The following ANK2 variants were observed in gnomAD, a reference collection of about 807,000 sequenced individuals.
The protein encoded by ANK2 is ankyrin 2.
ANK2 carries 83 observed loss-of-function variants against 360.5 expected under a neutral mutation model. That is an observed-to-expected ratio of 0.23 (90% CI 0.19 to 0.28). The LOEUF (loss-of-function observed/expected upper bound fraction) is 0.28, where lower values mean the gene tolerates loss of function less well. Ranked by LOEUF, ANK2 falls within the 10% of genes least tolerant of loss-of-function variation. The pLI is 1.00. For missense variants in ANK2, 4,201 were observed against 4,795.7 expected (o/e 0.88, Z 3.66); for synonymous variants, 1,740 against 1,759.5 (o/e 0.99, Z 0.28).
chr4:112,875,567 C>T (rs1448856320), intron 1 of ANK2, among the ~76,000 whole-genome samples: 1 of 151,980 alleles, frequency 6.6e-6, no homozygotes, highest in Non-Finnish European at 1.5e-5. Context: ...AACTCCTACC[C>T]TCAAGTGATC....
At chr4:112,865,733 T>C (rs1226466850) in intron 1 of ANK2, among the ~76,000 whole-genome samples, 1 of 152,236 alleles carries the variant, frequency 6.6e-6, no homozygotes, top group Non-Finnish European at 1.5e-5. Context: ...AATATTCTTA[T>C]ATACCTGAGA....
intron 1 of ANK2, among the ~76,000 whole-genome samples, chr4:112,898,584 A>G (rs955416999): frequency 6.6e-6 from 1 of 152,208 alleles, no homozygotes; most frequent in African/African-American, 2.4e-5. Flanking sequence ...CAGTGTTTAT[A>G]TGATTTCTCC....
At chr4:113,378,313 A>G (rs2097032741) in intron 45 of ANK2, 1 of 340,628 alleles carries the variant, frequency 2.9e-6, no homozygotes, top group South Asian at 2.5e-5. Context: ...CTGTATTATA[A>G]TACTTTGGTC....
upstream of ANK2, among the ~76,000 whole-genome samples, chr4:113,045,471 C>A (rs1003984579): frequency 2.1e-4 from 32 of 152,184 alleles, no homozygotes; most frequent in African/African-American, 7.7e-4. Flanking sequence ...ATCTTATTAA[C>A]TTTCTTACTT....
chr4:113,257,386 C>T (rs942853158), intron 11 of ANK2, among the ~76,000 whole-genome samples: 3 of 152,102 alleles, frequency 2.0e-5, no homozygotes, highest in Non-Finnish European at 4.4e-5. Flanking sequence ...TGCATTTATC[C>T]CAGAAATTCT....
chr4:113,196,261 A>G (rs2098746038), intron 2 of ANK2, 107 bp from the exon 3 acceptor site: 1 of 803,604 alleles, frequency 1.2e-6, no homozygotes, highest in Non-Finnish European at 2.1e-6. Flanking sequence ...GAAAAAAAAG[A>G]AGAGATCAGA....
chr4:112,720,007 G>A, the ANK2 span, among the ~76,000 whole-genome samples: 4 of 152,056 alleles, frequency 2.6e-5, no homozygotes, highest in Non-Finnish European at 4.4e-5. Context: ...GTCAACAGCC[G>A]GATCCTAAAG....
chr4:113,085,426 GCCTCATTCT>G (rs1460479239), intron 1 of ANK2, among the ~76,000 whole-genome samples: 1 of 151,824 alleles, frequency 6.6e-6, no homozygotes, highest in Non-Finnish European at 1.5e-5. Context: ...CAATTCTCCT[GCCTCATTCT>G]CCTGGGACTA....
intron 1 of ANK2, 88 bp downstream of exon 1, chr4:113,049,900 C>T (rs1414370134): frequency 4.3e-5 from 64 of 1,485,088 alleles, no homozygotes; most frequent in Non-Finnish European, 5.5e-5. Context: ...CTATGGAAAC[C>T]GTGGAGCATT....
At chr4:112,980,111 C>T (rs1454488381) in intron 2 of ANK2, 1 of 152,278 alleles carries the variant, frequency 6.6e-6, no homozygotes, top group Non-Finnish European at 1.5e-5. Context: ...CTCCCCTGGC[C>T]CCTCTTCCAC....
At chr4:112,786,499 T>A in the ANK2 span, among the ~76,000 whole-genome samples, 2 of 150,156 alleles carry the variant, frequency 1.3e-5, no homozygotes, top group African/African-American at 4.9e-5. Flanking sequence ...CCGGTTTAAG[T>A]GATTCTCCTG....
intron 7 of ANK2, among the ~76,000 whole-genome samples, chr4:113,238,381 G>C (rs2099400258): frequency 6.6e-6 from 1 of 152,124 alleles, no homozygotes; most frequent in African/African-American, 2.4e-5. Flanking sequence ...GTTTTGCTGA[G>C]GGGATTCTTT....
the ANK2 span, among the ~76,000 whole-genome samples, chr4:112,771,441 G>T: frequency 1.1e-4 from 17 of 152,056 alleles, no homozygotes; most frequent in African/African-American, 4.1e-4. Context: ...ATAAGTTTTT[G>T]TGACAGGAAG....
chr4:112,816,803 C>T (rs566782117), upstream of ANK2, among the ~76,000 whole-genome samples: 161 of 152,274 alleles, frequency 1.1e-3, no homozygotes, highest in Non-Finnish European at 1.6e-3. Flanking sequence ...CTGAAGTCAG[C>T]AGTTCGAGAC....
chr4:113,040,136 A>G (rs745598156), intron 2 of ANK2, among the ~76,000 whole-genome samples: 1 of 152,042 alleles, frequency 6.6e-6, no homozygotes, highest in Admixed American at 6.6e-5. Context: ...ATATCACTAG[A>G]GACTGAATGT....
chr4:113,212,722 A>G (rs1247323482), intron 4 of ANK2, among the ~76,000 whole-genome samples: 1 of 152,186 alleles, frequency 6.6e-6, no homozygotes, highest in South Asian at 2.1e-4. Context: ...CCTTCAGCAA[A>G]CAGTTGTTGT....
intron 2 of ANK2, among the ~76,000 whole-genome samples, chr4:113,039,945 T>A (rs889543175): frequency 6.6e-6 from 1 of 152,148 alleles, no homozygotes. Flanking sequence ...GTTTTTCTTT[T>A]GTTAAAAGAA....
the ANK2 span, among the ~76,000 whole-genome samples, chr4:112,802,380 T>G: frequency 6.6e-6 from 1 of 152,228 alleles, no homozygotes; most frequent in African/African-American, 2.4e-5. Flanking sequence ...AGCTTGCTGC[T>G]TCTTGGGAGC....
rs115125234 is a variant in ANK2, at chr4:113,291,233, C to T, written c.2278-1183C>T. Among the ~76,000 whole-genome samples the T allele has an allele frequency of 5.4e-3, 820 of 152,226 alleles. 7 individuals are homozygous for T. Among genetic ancestry groups the T allele is most frequent in the African/African-American group, 0.019 (771 of 41,540 alleles). The stretch of plus-strand genomic sequence containing the variant: ...TCAATGGATTTAATGGATGTAAACA[C>T]AACAAAAAGGAAGAATTTTTACAAA... On this transcript the variant is annotated intron_variant, in intron 20 of 45. Transcript: ENST00000357077.
Sources: allele counts gnomAD v4.1 joint callset (sites outside exome capture counted in the v4.1 genomes callset), GRCh38; gene constraint gnomAD v4.1.1; transcripts MANE v1.5; gene names NCBI Gene and HGNC (gene_info 2026-07-23, HGNC 2026-07-21).